DNAAF3: variants seen among roughly 807,000 people sequenced by gnomAD.
DNAAF3 encodes the protein dynein axonemal assembly factor 3, also known as UPF0470 protein C19orf51.
In DNAAF3, 40 loss-of-function variants were observed where a neutral mutation model predicts 50.9. The observed-to-expected ratio is 0.79, with a 90% confidence interval of 0.61 to 1.02. The LOEUF (loss-of-function observed/expected upper bound fraction) is 1.02, where lower values mean the gene tolerates loss of function less well. Ranked by LOEUF, DNAAF3 falls within the 50% of genes least tolerant of loss-of-function variation. DNAAF3 has a pLI of 0.00. For missense variants in DNAAF3, 763 were observed against 744.7 expected (o/e 1.02, Z -0.29); for synonymous variants, 327 against 322.8 (o/e 1.01, Z -0.14).
At position 55,166,350 on chromosome 19, in the gene DNAAF3, C is replaced by T. The variant is rs749669998; in HGVS notation, c.64G>A (p.Ala22Thr). Residue 22 changes from alanine to threonine, a missense_variant, in exon 2 of 12, where the codon GCG becomes ACG. Physicochemically the swap from Ala to Thr is moderately conservative, Grantham distance 58. Transcript: ENST00000524407. The surrounding 1 kb of genome is among the most constrained non-coding windows in gnomAD (Gnocchi z 4.0). ...GSVSWWGLSPALDLQAESPPV... is the reference protein window; with the variant it reads ...GSVSWWGLSPTLDLQAESPPV... Reference sequence around the variant, plus strand: ...TCACTTTCAGCCTGCAGGTCCAGCGCCGGGGACAGGCCCCACCAGGACACG... The same window carrying T: ...TCACTTTCAGCCTGCAGGTCCAGCGTCGGGGACAGGCCCCACCAGGACACG... 5 of 1,613,692 alleles carry T rather than the reference C, an allele frequency of 3.1e-6. No homozygotes were observed.
upstream of DNAAF3, chr19:55,166,719 C>A: frequency 6.5e-7 from 1 of 1,547,002 alleles, no homozygotes; most frequent in Admixed American, 1.8e-5. This position sits in a 1 kb window ranked among gnomAD's most constrained non-coding sequence, Gnocchi z 4.0. Context: ...AACTTTTGGC[C>A]AATGGGAGCA....
rs756236772 is a variant in DNAAF3 at position 55,161,339 on chromosome 19, T to G, written c.743A>C (p.Tyr248Ser). Residue 248 changes from tyrosine to serine, a missense_variant, in exon 7 of 12, where the codon TAT (tyrosine) becomes TCT (serine). By Grantham distance (144) the Tyr-to-Ser change is moderately radical (BLOSUM62 -2). Coordinates refer to ENST00000524407, the MANE Select transcript of DNAAF3 (RefSeq NM_001256715.2). This position sits in a 1 kb window ranked among gnomAD's most constrained non-coding sequence, Gnocchi z 6.4. The stretch of plus-strand genomic sequence containing the variant: ...CGCCAGGGTCCGGTTGGGCACATGA[T>G]AGGCGCTGGAGTCCCTGAGTTCAAA... The part of the protein sequence containing the change: ...VAFELRDSSA[Y>S]HVPNRTLASG... The G allele has an allele frequency of 1.3e-4, 205 of 1,607,386 alleles. No individual in the cohort carries two copies. The highest frequency in any genetic ancestry group is 1.7e-4 in the Non-Finnish European group (205 of 1,177,516).
chr19:55,159,740 G>A (rs751259834), intron 10 of DNAAF3, 133 bp from the exon 11 acceptor site: 21 of 1,570,410 alleles, frequency 1.3e-5, no homozygotes, highest in African/African-American at 2.7e-5. Context: ...GAAGGGAGCA[G>A]GAGGTCTGGA....
At position 55,160,993 on chromosome 19, in the gene DNAAF3, TG is replaced by T. The variant is rs1166984830; in HGVS notation, c.912+71del. The T allele has an allele frequency of 1.4e-6, 2 of 1,474,882 alleles. No homozygotes were observed. The highest frequency in any genetic ancestry group is 9.0e-7 in the Non-Finnish European group (1 of 1,115,544). 91.4% of individuals were successfully genotyped at this position (1,474,882 alleles called of 1,614,324 possible). ...CTGGAGCTGGGGGCGGGGCCTGCTG[TG>T]GGGGCGGGGCCTTGCGCACCCACCG... On this transcript the variant is annotated intron_variant, in intron 8 of 11. Coordinates refer to ENST00000524407, the MANE Select transcript of DNAAF3 (RefSeq NM_001256715.2). The surrounding 1 kb of genome is among the most constrained non-coding windows in gnomAD (Gnocchi z 4.7).
chr19:55,163,224 G>C (rs554042769), intron 4 of DNAAF3, among the ~76,000 whole-genome samples: 3 of 150,324 alleles, frequency 2.0e-5, no homozygotes, highest in African/African-American at 7.3e-5. Context: ...TAGCCAGGAT[G>C]GTCTCGATCT....
chr19:55,166,132 T>G lies in DNAAF3; in HGVS notation c.86-132A>C, dbSNP rs1599931017. The G allele has an allele frequency of 3.8e-6, 6 of 1,563,822 alleles. No individual in the cohort carries two copies. The highest frequency in any genetic ancestry group is 5.2e-6 in the Non-Finnish European group (6 of 1,154,636). Reference sequence around the variant, plus strand: ...GGCCTAGGTTCTAAGGGGAGGTGTTTCCTCTGAGTATTCTGGGATTCGCAG... The same window carrying G: ...GGCCTAGGTTCTAAGGGGAGGTGTTGCCTCTGAGTATTCTGGGATTCGCAG... On this transcript the variant is annotated intron_variant, in intron 2 of 11. Transcript: ENST00000524407. The surrounding 1 kb of genome is among the most constrained non-coding windows in gnomAD (Gnocchi z 4.0).
Position 55,158,905 on chromosome 19 carries a change from G to T in DNAAF3, c.*157C>A. ...AGAATCTCAGAAATGGAATTTGAAAGTCTACCAACACTCCCGGGGTGGGGG... is the reference window on the plus strand; with the variant it reads ...AGAATCTCAGAAATGGAATTTGAAATTCTACCAACACTCCCGGGGTGGGGG... On this transcript the variant is annotated 3_prime_UTR_variant, in exon 12 of 12. Transcript: ENST00000524407. 1.3e-6 allele frequency: 1 copy of T among 742,270 alleles called. No homozygotes were observed. Among genetic ancestry groups the T allele is most frequent in the East Asian group, 2.7e-5 (1 of 37,048 alleles). The allele number at this position is 742,270 out of a possible 1,614,324, so 46.0% of individuals were successfully genotyped here.
rs752047690 is a variant in DNAAF3 at position 55,160,547 on chromosome 19, G to T, written c.1048+93C>A. ...ACAGAATATCAAGAAGCCGTCACTTGCCCAGGCATTCCAAATCATGTCAGT... is the reference window on the plus strand; with the variant it reads ...ACAGAATATCAAGAAGCCGTCACTTTCCCAGGCATTCCAAATCATGTCAGT... On this transcript the variant is annotated intron_variant, in intron 9 of 11. Coordinates refer to ENST00000524407, the MANE Select transcript of DNAAF3 (RefSeq NM_001256715.2). The surrounding 1 kb of genome is among the most constrained non-coding windows in gnomAD (Gnocchi z 4.7). 10 of 1,583,080 alleles carry T rather than the reference G, an allele frequency of 6.3e-6. No individual in the cohort carries two copies. Among genetic ancestry groups the T allele is most frequent in the Non-Finnish European group, 8.6e-6 (10 of 1,165,860 alleles).
At position 55,159,988 on chromosome 19, in the gene DNAAF3, G is replaced by T. The variant is rs372671678; in HGVS notation, c.1074C>A (p.Thr358=). The change falls in exon 10 of 12, where the codon ACC becomes ACA. Residue 358 remains threonine (T), a synonymous_variant. Coordinates refer to ENST00000524407, the MANE Select transcript of DNAAF3 (RefSeq NM_001256715.2). ...CAGAATTGAGCGGCAGGAAGTGGAC[G>T]GTGAAAGATTCCGGGGTCGGGGCTG... The part of the protein sequence containing the change: ...TPAAPTPESF[T]VHFLPLNSAQ... The T allele has an allele frequency of 3.7e-6, 6 of 1,613,710 alleles. No homozygotes were observed. The highest frequency in any genetic ancestry group is 5.1e-6 in the Non-Finnish European group (6 of 1,179,940).
At chr19:55,164,002 AGT>A (rs991938986) in intron 4 of DNAAF3, among the ~76,000 whole-genome samples, 13 of 152,238 alleles carry the variant, frequency 8.5e-5, no homozygotes, top group African/African-American at 3.1e-4. Context: ...TTCTCGTGAT[AGT>A]GAGTTCCCAC....
At position 55,161,152 on chromosome 19, in the gene DNAAF3, C is replaced by T. The variant is rs1033118767; in HGVS notation, c.825G>A (p.Gly275=). Residue 275 remains glycine (G), a synonymous_variant, in exon 8 of 12, where the codon GGG becomes GGA. Transcript: ENST00000524407. The surrounding 1 kb of genome is among the most constrained non-coding windows in gnomAD (Gnocchi z 6.4). The stretch of plus-strand genomic sequence containing the variant: ...CCACGAAGGGCCCCGTGGCGATGTC[C>T]CCCCAGTACCCGCGCGCTGCCACGC... ...GERVAARGYW[G]DIATGPFVAF... is the part of the protein sequence containing the mutation. 3.2e-6 allele frequency: 5 copies of T among 1,556,220 alleles called. No individual in the cohort carries two copies. In the African/African-American group the frequency reaches 4.1e-5, roughly 13 times the overall value.
chr19:55,160,660 C>A lies in DNAAF3; in HGVS notation c.1028G>T (p.Ser343Ile), dbSNP rs1441859876. Residue 343 changes from serine (S) to isoleucine (I), a missense_variant, in exon 9 of 12, where the codon AGC (serine) becomes ATC (isoleucine). Coordinates refer to ENST00000524407, the MANE Select transcript of DNAAF3 (RefSeq NM_001256715.2). This position sits in a 1 kb window ranked among gnomAD's most constrained non-coding sequence, Gnocchi z 4.7. ...CTTACCTGGAGTCCCTGGCTCCGGG[C>A]TTCCCTCCGCGTGCTGCTGCTCCTC... Reference protein sequence around the residue: ...DLEEQQHAEGSPEPGTPAAPT... With the variant: ...DLEEQQHAEGIPEPGTPAAPT... 6.2e-7 allele frequency: 1 copy of A among 1,613,924 alleles called. No individual in the cohort carries two copies. Among genetic ancestry groups the A allele is most frequent in the Non-Finnish European group, 8.5e-7 (1 of 1,179,968 alleles).
chr19:55,165,346 A>C, intron 4 of DNAAF3, 24 bp downstream of exon 4: 1 of 1,609,372 alleles, frequency 6.2e-7, no homozygotes, highest in Non-Finnish European at 8.5e-7. Flanking sequence ...CAGCGGTCAG[A>C]ATGCCTGGGT....
intron 5 of DNAAF3, 99 bp downstream of exon 5, chr19:55,162,034 C>G (rs2085846078): frequency 4.5e-6 from 6 of 1,334,750 alleles, no homozygotes; most frequent in Non-Finnish European, 2.9e-6. Flanking sequence ...TTCGAACCCC[C>G]TAGCCCGCCG....
At chr19:55,162,609 C>T in intron 4 of DNAAF3, 1 of 979,414 alleles carries the variant, frequency 1.0e-6, no homozygotes, top group Non-Finnish European at 1.2e-6. Context: ...TAAATAACCA[C>T]CTAGAAGAGG....
In DNAAF3 at chr19:55,159,067, CTCCAGTTT is replaced by C. The variant is rs2085768768; in HGVS notation, c.1613_1620del (p.Lys538SerfsTer24). On this transcript the variant is annotated frameshift_variant, in exon 12 of 12. Coordinates refer to ENST00000524407, the MANE Select transcript of DNAAF3 (RefSeq NM_001256715.2). LOFTEE classifies it high-confidence loss of function. The stretch of plus-strand genomic sequence containing the variant: ...AGGGGTGTCTAGGGGTTGGGTCAGA[CTCCAGTTT>C]TGGAGTCTGACTCACAGTTGGGCGG... 1 of 1,588,726 alleles carries C rather than the reference CTCCAGTTT, an allele frequency of 6.3e-7. No homozygotes were observed.
chr19:55,160,582 A>AGT lies in DNAAF3; in HGVS notation c.1048+56_1048+57dup. 6.2e-7 allele frequency: 1 copy of AGT among 1,613,102 alleles called. No homozygotes were observed. The highest frequency in any genetic ancestry group is 8.5e-7 in the Non-Finnish European group (1 of 1,179,782). ...TCCAAATCATGTCAGTCCACACTCC[A>AGT]GTGTGAAACACCTGGAGGCTGGAGT... On this transcript the variant is annotated intron_variant, in intron 9 of 11. Transcript: ENST00000524407. The surrounding 1 kb of genome is among the most constrained non-coding windows in gnomAD (Gnocchi z 4.7).
At chr19:55,166,698 C>T, upstream of DNAAF3, 5 of 1,574,670 alleles carry the variant, frequency 3.2e-6, no homozygotes, top group Non-Finnish European at 3.5e-6. The surrounding 1 kb of genome is among the most constrained non-coding windows in gnomAD (Gnocchi z 4.0). Context: ...GAGCGAGGCC[C>T]GCCCTCTACA....
chr19:55,160,727 C>T lies in DNAAF3; in HGVS notation c.961G>A (p.Val321Met), dbSNP rs764268493. The T allele has an allele frequency of 1.9e-6, 3 of 1,612,816 alleles. No homozygotes were observed. Among genetic ancestry groups the T allele is most frequent in the Admixed American group, 1.7e-5 (1 of 59,974 alleles). ...GCTCTCGCGCGCCCCCAGGCGGCCA[C>T]GTCGCGGAGCAGCTCCGTCACGTTG... ...QHNVTELLRD[V>M]AAWGRARATG... Residue 321 changes from valine (V) to methionine (M), a missense_variant, in exon 9 of 12, where the codon GTG becomes ATG. Transcript: ENST00000524407. This position sits in a 1 kb window ranked among gnomAD's most constrained non-coding sequence, Gnocchi z 4.7.
Sources: allele counts gnomAD v4.1 joint callset (sites outside exome capture counted in the v4.1 genomes callset), GRCh38; gene constraint gnomAD v4.1.1; non-coding constraint Gnocchi (gnomAD v3.1); transcripts MANE v1.5; gene names NCBI Gene and HGNC (gene_info 2026-07-23, HGNC 2026-07-21).